ZYG11A: variants seen among roughly 807,000 people sequenced by gnomAD.
The protein encoded by ZYG11A is zyg-11 family member A, cell cycle regulator.
Under a neutral mutation model 77.2 loss-of-function variants are expected in ZYG11A, and 62 were observed. That is an observed-to-expected ratio of 0.80 (90% CI 0.65 to 0.99). The LOEUF (loss-of-function observed/expected upper bound fraction) is 0.99, where lower values mean the gene tolerates loss of function less well. Ranked by LOEUF, ZYG11A falls within the 50% of genes least tolerant of loss-of-function variation. The pLI, the probability that ZYG11A is intolerant of heterozygous loss-of-function variation, is 0.00. For missense variants in ZYG11A, 828 were observed against 896.8 expected (o/e 0.92, Z 0.98); for synonymous variants, 315 against 324.6 (o/e 0.97, Z 0.32).
chr1:52,845,252 A>G (rs1271940876), intron 1 of ZYG11A, among the ~76,000 whole-genome samples: 1 of 149,468 alleles, frequency 6.7e-6, no homozygotes, highest in African/African-American at 2.5e-5. Context: ...TATGTTTTAA[A>G]TTGTGTCTCT....
In ZYG11A at chr1:52,881,649, C is replaced by T; in HGVS notation, c.1928C>T (p.Thr643Ile). ...ATATCCCGTGACTTCCAGAGGCGTA[C>T]TCTTCTCCAAGATCTGGTACAGGAA... ...LWISRDFQRR[T>I]LLQDLHATIQ... Residue 643 changes from threonine (T) to isoleucine (I), a missense_variant, in exon 11 of 14, where the codon ACT (threonine) becomes ATT (isoleucine). Coordinates refer to ENST00000371528, the MANE Select transcript of ZYG11A (RefSeq NM_001004339.3). The T allele has an allele frequency of 6.4e-7, 1 of 1,551,364 alleles. No homozygotes were observed. Among genetic ancestry groups the T allele is most frequent in the Non-Finnish European group, 8.7e-7 (1 of 1,146,674 alleles).
intron 11 of ZYG11A, among the ~76,000 whole-genome samples, chr1:52,884,597 T>C (rs1404328618): frequency 1.3e-5 from 2 of 151,812 alleles, no homozygotes; most frequent in Non-Finnish European, 2.9e-5. Context: ...GAGGTTACAG[T>C]GAGCCGAGAT....
chr1:52,869,645 T>C (rs1392324050), intron 8 of ZYG11A, among the ~76,000 whole-genome samples: 4 of 151,970 alleles, frequency 2.6e-5, no homozygotes, highest in South Asian at 2.1e-4. Flanking sequence ...TGTCTACCTC[T>C]TTCTACACAG....
intron 5 of ZYG11A, among the ~76,000 whole-genome samples, chr1:52,865,791 G>T (rs1334057793): frequency 6.6e-6 from 1 of 152,076 alleles, no homozygotes; most frequent in Non-Finnish European, 1.5e-5. Flanking sequence ...CGAGGATAGG[G>T]TTTACAGGGT....
intron 1 of ZYG11A, 76 bp from the exon 2 acceptor site, chr1:52,854,389 G>C: frequency 7.4e-7 from 1 of 1,355,352 alleles, no homozygotes; most frequent in Non-Finnish European, 9.9e-7. Context: ...AGTGGAATAG[G>C]TATGGCATGA....
At chr1:52,852,714 A>T (rs1319375621) in intron 1 of ZYG11A, among the ~76,000 whole-genome samples, 30 of 152,140 alleles carry the variant, frequency 2.0e-4, no homozygotes, top group Admixed American at 2.0e-3. Context: ...AGGGTTATAT[A>T]CCAATAAAAC....
intron 1 of ZYG11A, among the ~76,000 whole-genome samples, chr1:52,844,796 C>T (rs1251023736): frequency 6.6e-6 from 1 of 151,788 alleles, no homozygotes; most frequent in East Asian, 1.9e-4. Context: ...TTTATATTAC[C>T]TTGTGTATAT....
chr1:52,867,997 C>A (rs1178828455), intron 8 of ZYG11A, among the ~76,000 whole-genome samples: 1 of 120,466 alleles, frequency 8.3e-6, no homozygotes, highest in Non-Finnish European at 1.6e-5. Context: ...GACAGAGTCT[C>A]ACTCTGTCGC....
At chr1:52,844,324 T>G (rs1645521415) in intron 1 of ZYG11A, among the ~76,000 whole-genome samples, 1 of 152,214 alleles carries the variant, frequency 6.6e-6, no homozygotes, top group South Asian at 2.1e-4. Context: ...TGAACTCATT[T>G]AGAAAAGTTA....
chr1:52,876,443 ACT>A (rs1646262511), intron 8 of ZYG11A, among the ~76,000 whole-genome samples: 1 of 152,126 alleles, frequency 6.6e-6, no homozygotes, highest in African/African-American at 2.4e-5. Context: ...CAGGCCAGGC[ACT>A]CTTACGACAA....
intron 12 of ZYG11A, 38 bp downstream of exon 12, chr1:52,885,932 T>C (rs1355004053): frequency 1.4e-6 from 2 of 1,443,036 alleles, no homozygotes; most frequent in Middle Eastern, 1.8e-4. Context: ...CTTTTTTTTT[T>C]CTTCTTTTTT....
intron 8 of ZYG11A, among the ~76,000 whole-genome samples, chr1:52,874,872 A>G (rs1030717912): frequency 5.3e-5 from 8 of 152,242 alleles, no homozygotes; most frequent in African/African-American, 1.9e-4. Context: ...CTCAAAAAAA[A>G]AGGTATCCAC....
chr1:52,874,892 T>C (rs12145105), intron 8 of ZYG11A, among the ~76,000 whole-genome samples: 60,240 of 152,150 alleles, frequency 0.4, 15,459 homozygotes, highest in Non-Finnish European at 0.58. Flanking sequence ...CATTGCTTTT[T>C]AGACATAGTG....
Position 52,885,903 on chromosome 1 carries a change from A to G in ZYG11A, c.2006+9A>G. ...GCATTGGTGACCTATAGGTAATTTCATGGTGTTGTGCTTTTCTTCTTTTTT... is the reference window on the plus strand; with the variant it reads ...GCATTGGTGACCTATAGGTAATTTCGTGGTGTTGTGCTTTTCTTCTTTTTT... On this transcript the variant is annotated intron_variant, in intron 12 of 13. Coordinates refer to ENST00000371528, the MANE Select transcript of ZYG11A (RefSeq NM_001004339.3). The G allele has an allele frequency of 6.5e-7, 1 of 1,526,804 alleles. No homozygotes were observed. Among genetic ancestry groups the G allele is most frequent in the Non-Finnish European group, 8.8e-7 (1 of 1,135,858 alleles). The allele number at this position is 1,526,804 out of a possible 1,614,324, so 94.6% of individuals were successfully genotyped here.
chr1:52,866,565 C>T lies in ZYG11A; in HGVS notation c.1389C>T (p.Asp463=), dbSNP rs747714913. The T allele has an allele frequency of 2.7e-5, 41 of 1,535,822 alleles. No individual in the cohort carries two copies. Among genetic ancestry groups the T allele is most frequent in the Non-Finnish European group, 3.4e-5 (39 of 1,133,180 alleles). ...NSRILVDVPF[D]RFDAAKFVMR... ...GGATTCTTGTGGATGTTCCATTTGA[C>T]AGGCAAGTATAAGACTTGGTCATTT... is the stretch of plus-strand genomic sequence containing the variant. The change falls in exon 6 of 14, where the codon GAC becomes GAT. Residue 463 remains aspartate, a splice_region_variant and synonymous_variant. Transcript: ENST00000371528.
At chr1:52,888,670 T>TAAGTCCAA (rs1646488331) in intron 13 of ZYG11A, among the ~76,000 whole-genome samples, 1 of 152,174 alleles carries the variant, frequency 6.6e-6, no homozygotes, top group Non-Finnish European at 1.5e-5. Context: ...AAAAATGTTT[T>TAAGTCCAA]TTATGGGCTC....
intron 8 of ZYG11A, among the ~76,000 whole-genome samples, chr1:52,868,999 C>G (rs1646084864): frequency 6.6e-6 from 1 of 152,008 alleles, no homozygotes; most frequent in South Asian, 2.1e-4. Context: ...CCACGCCTGG[C>G]TAGTTTTGTA....
At position 52,842,780 on chromosome 1, in the gene ZYG11A, A is replaced by T. The variant is rs1350518940; in HGVS notation, c.-104A>T. 9.1e-6 allele frequency: 10 copies of T among 1,100,652 alleles called. No individual in the cohort carries two copies. Among genetic ancestry groups the T allele is most frequent in the Non-Finnish European group, 1.0e-5 (8 of 770,690 alleles). 68.2% of individuals were successfully genotyped at this position (1,100,652 alleles called of 1,614,324 possible). A position where few individuals can be genotyped will look rare whatever the true frequency, so the allele number is the denominator to read the frequency against. ...GCGGCGCTAGCTCCGTGTGCCTCGC[A>T]GGCGTGGTGGGCGCGTCCTGGCAGC... On this transcript the variant is annotated 5_prime_UTR_variant, in exon 1 of 14. Transcript: ENST00000371528.
At position 52,892,917 on chromosome 1, in the gene ZYG11A, T is replaced by C. The variant is rs549465781; in HGVS notation, c.2240T>C (p.Met747Thr). Residue 747 changes from methionine to threonine, a missense_variant, in exon 14 of 14, where the codon ATG becomes ACG. Transcript: ENST00000371528. ...SILDDFRMHF[M>T]NYQRPTLCQM... is the part of the protein sequence containing the mutation. ...CTGGATGACTTCAGAATGCATTTCATGAATTATCAGAGGCCCACTCTGTGT... is the reference window on the plus strand; with the variant it reads ...CTGGATGACTTCAGAATGCATTTCACGAATTATCAGAGGCCCACTCTGTGT... 8.1e-5 allele frequency: 126 copies of C among 1,551,894 alleles called. No homozygotes were observed. The highest frequency in any genetic ancestry group is 3.3e-4 in the Middle Eastern group (2 of 5,994).
Sources: gnomAD v4.1 joint callset for allele counts (sites outside exome capture counted in the v4.1 genomes callset) on GRCh38, gnomAD v4.1.1 for gene constraint, MANE v1.5 for transcripts, NCBI Gene and HGNC (gene_info 2026-07-23, HGNC 2026-07-21) for gene names.